Variants in NCKAP5 observed in about 807,000 individuals in gnomAD.
The protein encoded by NCKAP5 is NCK associated protein 5.
In NCKAP5, 92 loss-of-function variants were observed where a neutral mutation model predicts 167.0. That is an observed-to-expected ratio of 0.55 (90% CI 0.47 to 0.66). NCKAP5 has a LOEUF of 0.66. NCKAP5 is among the 30% of genes least tolerant of loss of function. The pLI is 0.00. For missense variants in NCKAP5, 2,378 were observed against 2,315.0 expected (o/e 1.03, Z -0.56); for synonymous variants, 891 against 877.4 (o/e 1.02, Z -0.27).
rs377445214 is a variant in NCKAP5 at position 132,938,300 on chromosome 2, AATTT to A, written c.579+25416_579+25419del. ...AGAACAAAGGTTCTGACCCTGGTGG[AATTT>A]ATGAACAGATTTCAGGAGTCCTGGT... On this transcript the variant is annotated intron_variant, in intron 8 of 19. Coordinates refer to ENST00000409261, the MANE Select transcript of NCKAP5 (RefSeq NM_207363.3). Among the ~76,000 whole-genome samples, 372 of 152,306 alleles carry A rather than the reference AATTT, an allele frequency of 2.4e-3. 3 individuals carry two copies. Among genetic ancestry groups the A allele is most frequent in the African/African-American group, 8.1e-3 (335 of 41,564 alleles).
chr2:133,153,748 C>T (rs528621693), intron 5 of NCKAP5, among the ~76,000 whole-genome samples: 188 of 145,826 alleles, frequency 1.3e-3, no homozygotes, highest in African/African-American at 4.7e-3. Context: ...GAATGCCTTC[C>T]CCTCCCAACA....
At chr2:133,209,971 C>T (rs955143313) in intron 5 of NCKAP5, among the ~76,000 whole-genome samples, 81 of 152,054 alleles carry the variant, frequency 5.3e-4, no homozygotes, top group Non-Finnish European at 2.4e-4. Flanking sequence ...TCGAAACCAG[C>T]CTGGCCAACT....
rs532628653 is a variant in NCKAP5 at position 133,341,289 on chromosome 2, T to C, written c.70-38179A>G. Among the ~76,000 whole-genome samples the C allele has an allele frequency of 9.6e-3, 1,459 of 152,024 alleles. 29 individuals are homozygous for C. Among genetic ancestry groups the C allele is most frequent in the African/African-American group, 0.031 (1,289 of 41,458 alleles). On this transcript the variant is annotated intron_variant, in intron 3 of 19. Transcript: ENST00000409261. ...GTCATTCTGGAAGTGAGCAGATTTT[T>C]TTTTTTTTTTGTACCCACACACCTG...
chr2:133,626,903 G>C, the NCKAP5 span, among the ~76,000 whole-genome samples: 2 of 151,714 alleles, frequency 1.3e-5, no homozygotes, highest in Non-Finnish European at 2.9e-5. Flanking sequence ...GTAGTTATTT[G>C]GGGAAAAATT....
chr2:132,756,764 C>G (rs1680592091), intron 16 of NCKAP5, among the ~76,000 whole-genome samples: 2 of 152,174 alleles, frequency 1.3e-5, no homozygotes, highest in Admixed American at 1.3e-4. Context: ...CATTTGGAAG[C>G]AGGGCGGCCA....
chr2:133,048,098 G>T (rs1321558734), intron 6 of NCKAP5, among the ~76,000 whole-genome samples: 1 of 152,152 alleles, frequency 6.6e-6, no homozygotes. Flanking sequence ...TCTCACTGTG[G>T]TGTGAGTTTC....
intron 3 of NCKAP5, among the ~76,000 whole-genome samples, chr2:133,454,742 T>C (rs1691742537): frequency 6.6e-6 from 1 of 152,120 alleles, no homozygotes; most frequent in African/African-American, 2.4e-5. Context: ...TGTACGGGCC[T>C]ACATACTTTC....
At chr2:133,220,107 A>G (rs192572529) in intron 4 of NCKAP5, among the ~76,000 whole-genome samples, 4 of 152,272 alleles carry the variant, frequency 2.6e-5, no homozygotes, top group African/African-American at 9.6e-5. Flanking sequence ...AATTAAATAC[A>G]CTCACATACA....
At chr2:133,535,704 A>G (rs1685708250) in intron 2 of NCKAP5, among the ~76,000 whole-genome samples, 1 of 152,108 alleles carries the variant, frequency 6.6e-6, no homozygotes, top group Non-Finnish European at 1.5e-5. Flanking sequence ...TAATTCTTTG[A>G]CAAATCTCCA....
At chr2:132,765,766 T>C (rs189934359) in intron 16 of NCKAP5, among the ~76,000 whole-genome samples, 43 of 152,282 alleles carry the variant, frequency 2.8e-4, no homozygotes, top group African/African-American at 8.2e-4. Flanking sequence ...CTCTATTTTT[T>C]GCTGGACATA....
At chr2:133,506,625 G>T (rs1683033185) in intron 3 of NCKAP5, among the ~76,000 whole-genome samples, 1 of 152,146 alleles carries the variant, frequency 6.6e-6, no homozygotes, top group Non-Finnish European at 1.5e-5. Flanking sequence ...CCGCCAAATG[G>T]TTCACTCCTT....
chr2:133,441,731 C>T (rs993044468), intron 3 of NCKAP5, among the ~76,000 whole-genome samples: 1 of 152,202 alleles, frequency 6.6e-6, no homozygotes, highest in African/African-American at 2.4e-5. Context: ...TTCCACATTG[C>T]TTTCATTCTT....
At chr2:133,544,174 T>C (rs1686457270) in intron 2 of NCKAP5, among the ~76,000 whole-genome samples, 1 of 152,230 alleles carries the variant, frequency 6.6e-6, no homozygotes, top group Non-Finnish European at 1.5e-5. Context: ...TCCTCTTTTA[T>C]ATTACCTTTG....
intron 7 of NCKAP5, among the ~76,000 whole-genome samples, chr2:132,980,483 G>A (rs1030327249): frequency 6.6e-6 from 1 of 152,180 alleles, no homozygotes; most frequent in East Asian, 1.9e-4. Flanking sequence ...AGTCACTGGT[G>A]TAGAAAGTAA....
intron 3 of NCKAP5, among the ~76,000 whole-genome samples, chr2:133,325,140 T>A (rs988776487): frequency 6.6e-6 from 1 of 152,208 alleles, no homozygotes; most frequent in African/African-American, 2.4e-5. Context: ...ATCACTGCCG[T>A]ATTCAATCTA....
chr2:133,078,441 C>A (rs1456454528), intron 6 of NCKAP5, among the ~76,000 whole-genome samples: 1 of 152,080 alleles, frequency 6.6e-6, no homozygotes, highest in African/African-American at 2.4e-5. Context: ...AGTCTGGAAC[C>A]TGTAGCTTTA....
intron 6 of NCKAP5, among the ~76,000 whole-genome samples, chr2:133,081,764 G>C (rs539259318): frequency 4.6e-5 from 7 of 152,102 alleles, no homozygotes; most frequent in African/African-American, 7.2e-5. Context: ...TGGAGCATGG[G>C]AGAAACGTTT....
intron 1 of NCKAP5, among the ~76,000 whole-genome samples, chr2:133,559,941 C>T (rs1688042104): frequency 6.6e-6 from 1 of 152,194 alleles, no homozygotes; most frequent in African/African-American, 2.4e-5. Context: ...TCTGTTCCCA[C>T]TCCTCTTGTC....
At position 133,064,416 on chromosome 2, in the gene NCKAP5, G is replaced by A. The variant is rs562820536; in HGVS notation, c.341+65562C>T. 7.9e-5 allele frequency among the ~76,000 whole-genome samples: 12 copies of A among 151,974 alleles called. No individual in the cohort carries two copies. In the South Asian group the frequency reaches 1.7e-3, roughly 21 times the overall value. ...TGCTAACAATACAAAAATCACATAC[G>A]TGCCAGAAAGAATGCTGAACTGAAA... is the stretch of plus-strand genomic sequence containing the variant. On this transcript the variant is annotated intron_variant, in intron 6 of 19. Transcript: ENST00000409261.
Sources: gnomAD v4.1 joint callset for allele counts (sites outside exome capture counted in the v4.1 genomes callset) on GRCh38, gnomAD v4.1.1 for gene constraint, MANE v1.5 for transcripts, NCBI Gene and HGNC (gene_info 2026-07-23, HGNC 2026-07-21) for gene names.